The following ZNFX1 variants were observed in gnomAD, a reference collection of about 807,000 sequenced individuals.
The protein encoded by ZNFX1 is zinc finger NFX1-type containing 1, also known as NFX1-type zinc finger-containing protein 1.
ZNFX1 carries 78 observed loss-of-function variants against 179.8 expected under a neutral mutation model. That is an observed-to-expected ratio of 0.43 (90% CI 0.36 to 0.52). ZNFX1 has a LOEUF of 0.52. ZNFX1 is among the 20% of genes least tolerant of loss of function. The pLI, the probability that ZNFX1 is intolerant of heterozygous loss-of-function variation, is 0.00. For synonymous variants in ZNFX1, 848 were observed against 868.5 expected (o/e 0.98, Z 0.42); for missense variants, 1,927 against 2,386.6 (o/e 0.81, Z 4.01).
At chr20:49,273,647 T>C (rs1354969163) in intron 2 of ZNFX1, among the ~76,000 whole-genome samples, 2 of 152,154 alleles carry the variant, frequency 1.3e-5, no homozygotes, top group Non-Finnish European at 2.9e-5. Flanking sequence ...TCAACATTCA[T>C]GGCCAGGTGT....
Position 49,270,696 on chromosome 20 carries a change from G to A in ZNFX1, c.1116C>T (p.His372=), listed in dbSNP as rs1331267928. 1 of 1,614,194 alleles carries A rather than the reference G, an allele frequency of 6.2e-7. No individual in the cohort carries two copies. Among genetic ancestry groups the A allele is most frequent in the South Asian group, 1.1e-5 (1 of 91,086 alleles). Residue 372 remains histidine (H), a synonymous_variant, in exon 3 of 14, where the codon CAC becomes CAT. Transcript: ENST00000396105. This position sits in a 1 kb window ranked among gnomAD's most constrained non-coding sequence, Gnocchi z 4.6. ...CGAAATCTTCTCGCAGGAGCCGGAAGTGGGTATCCAGATAGATAGCAGTGC... is the reference window on the plus strand; with the variant it reads ...CGAAATCTTCTCGCAGGAGCCGGAAATGGGTATCCAGATAGATAGCAGTGC... ...YDSTAIYLDT[H]FRLLREDFVR... is the part of the protein sequence containing the mutation.
rs1981339888 is a variant in ZNFX1, at chr20:49,269,986, G to A, written c.1826C>T (p.Ala609Val). The change falls in exon 3 of 14, where the codon GCT becomes GTT. Residue 609 changes from alanine (A) to valine (V), a missense_variant. Physicochemically the swap from Ala to Val is moderately conservative, Grantham distance 64. Coordinates refer to ENST00000396105, the MANE Select transcript of ZNFX1 (RefSeq NM_021035.3). ...AATAATAGCCAGTTCCCTTGTGAGA[G>A]CAAACTGCAAGGCTTCCATCTGGGA... ...DDSQMEALQFALTRELAIIQG... is the reference protein window; with the variant it reads ...DDSQMEALQFVLTRELAIIQG... 6.2e-7 allele frequency: 1 copy of A among 1,613,074 alleles called. No individual in the cohort carries two copies. Among genetic ancestry groups the A allele is most frequent in the Non-Finnish European group, 8.5e-7 (1 of 1,179,830 alleles).
Position 49,261,648 on chromosome 20 carries a change from G to GT in ZNFX1, c.2302-1072dup, listed in dbSNP as rs146430460. On this transcript the variant is annotated intron_variant, in intron 6 of 13. Coordinates refer to ENST00000396105, the MANE Select transcript of ZNFX1 (RefSeq NM_021035.3). ...TGTACAACAAACCGCCATGACACAA[G>GT]TTTTTTTTTTTTTTTTTGAGACAGT... is the stretch of plus-strand genomic sequence containing the variant. Among the ~76,000 whole-genome samples, 435 of 136,152 alleles carry GT rather than the reference G, an allele frequency of 3.2e-3. 3 individuals carry two copies. The highest frequency in any genetic ancestry group is 9.7e-3 in the African/African-American group (358 of 36,876). The allele number at this position is 136,152 out of a possible 152,430, so 89.3% of individuals were successfully genotyped here. A position where few individuals can be genotyped will look rare whatever the true frequency, so the allele number is the denominator to read the frequency against.
rs369841021 is a variant in ZNFX1, at chr20:49,264,455, G to C, written c.2151+261C>G. The stretch of plus-strand genomic sequence containing the variant: ...TTCCCTGGTCAGTTGGCTGTACACA[G>C]AGGTGCTGTGGGTGGTATGGGGGAA... On this transcript the variant is annotated intron_variant, in intron 5 of 13. Transcript: ENST00000396105. Among the ~76,000 whole-genome samples, 299 of 152,302 alleles carry C rather than the reference G, an allele frequency of 2.0e-3. 2 individuals are homozygous for C. The highest frequency in any genetic ancestry group is 0.015 in the South Asian group (72 of 4,830).
intron 1 of ZNFX1, 46 bp downstream of exon 1, chr20:49,277,975 G>A (rs1981634055): frequency 6.5e-6 from 1 of 154,662 alleles, no homozygotes; most frequent in South Asian, 1.9e-4. Context: ...GGTTCGCGGC[G>A]AGGCAAGGAA....
At chr20:49,276,104 T>C (rs1057243240) in intron 1 of ZNFX1, among the ~76,000 whole-genome samples, 1 of 152,248 alleles carries the variant, frequency 6.6e-6, no homozygotes. Context: ...TTTCAAGAGA[T>C]AGAATTCCCC....
intron 13 of ZNFX1, among the ~76,000 whole-genome samples, chr20:49,250,911 A>C (rs1404205947): frequency 6.6e-6 from 1 of 152,118 alleles, no homozygotes; most frequent in Non-Finnish European, 1.5e-5. Context: ...GGATTTCACC[A>C]TGTTGGCCAG....
chr20:49,249,034 C>T lies in ZNFX1; in HGVS notation c.3990G>A (p.Gly1330=), dbSNP rs1311984921. 2.5e-6 allele frequency: 4 copies of T among 1,614,128 alleles called. No individual in the cohort carries two copies. Among genetic ancestry groups the T allele is most frequent in the Admixed American group, 1.7e-5 (1 of 60,012 alleles). The change falls in exon 14 of 14, where the codon GGG becomes GGA. Residue 1330 remains glycine, a synonymous_variant. Transcript: ENST00000396105. ...KPCQKVICQE[G]HRCPLVCFQE... The stretch of plus-strand genomic sequence containing the variant: ...GGAAGCAAACAAGGGGACACCGGTG[C>T]CCTTCCTGACAGATGACCTTCTGGC...
At chr20:49,257,840 T>C (rs955986256) in intron 7 of ZNFX1, among the ~76,000 whole-genome samples, 176 bp from the exon 8 acceptor site, 2 of 151,878 alleles carry the variant, frequency 1.3e-5, no homozygotes, top group Non-Finnish European at 2.9e-5. Context: ...TAGCTGGGAT[T>C]ACATGCACCC....
chr20:49,264,136 C>T (rs1311004450), intron 5 of ZNFX1, among the ~76,000 whole-genome samples: 4 of 152,130 alleles, frequency 2.6e-5, no homozygotes, highest in East Asian at 1.9e-4. Context: ...GCAAGAGAAT[C>T]GCTTGAACCT....
chr20:49,247,399 C>T lies in ZNFX1; in HGVS notation c.5625G>A (p.Val1875=). ...CCAGAGTATGATTTGTGCCACCAAT[C>T]ACTTCCTTACAGTCAGGACACGTGC... The part of the protein sequence containing the change: ...ERGTCPDCKE[V]IGGTNHTLER... Residue 1875 remains valine, a synonymous_variant, in exon 14 of 14, where the codon GTG becomes GTA. Coordinates refer to ENST00000396105, the MANE Select transcript of ZNFX1 (RefSeq NM_021035.3). 6.2e-7 allele frequency: 1 copy of T among 1,614,200 alleles called. No homozygotes were observed. The highest frequency in any genetic ancestry group is 8.5e-7 in the Non-Finnish European group (1 of 1,180,038).
chr20:49,255,303 G>A (rs1600987687), intron 9 of ZNFX1, among the ~76,000 whole-genome samples: 1 of 151,686 alleles, frequency 6.6e-6, no homozygotes, highest in East Asian at 1.9e-4. Context: ...TCGGCCTCCC[G>A]AAGTGCTAGC....
chr20:49,249,813 A>G, intron 13 of ZNFX1, 102 bp from the exon 14 acceptor site: 1 of 1,311,698 alleles, frequency 7.6e-7, no homozygotes, highest in Non-Finnish European at 1.0e-6. Context: ...CTCCAGAGAG[A>G]GACCTTGGAA....
intron 2 of ZNFX1, 112 bp from the exon 3 acceptor site, chr20:49,271,862 T>C (rs1277584103): frequency 1.0e-5 from 13 of 1,292,098 alleles, no homozygotes; most frequent in Non-Finnish European, 1.4e-5. Context: ...GCTCAGGTTT[T>C]ATACGGTAAG....
intron 2 of ZNFX1, among the ~76,000 whole-genome samples, chr20:49,274,639 A>C (rs1468484266): frequency 6.6e-6 from 1 of 152,112 alleles, no homozygotes; most frequent in African/African-American, 2.4e-5. Context: ...GGCACCTGTA[A>C]TCCCAGCTAC....
intron 2 of ZNFX1, 47 bp downstream of exon 2, chr20:49,275,732 T>C: frequency 6.3e-7 from 1 of 1,581,198 alleles, no homozygotes; most frequent in Admixed American, 1.7e-5. Context: ...TATTTCCTTC[T>C]TTTATTACTA....
chr20:49,253,861 C>A, intron 10 of ZNFX1, 50 bp from the exon 11 acceptor site: 2 of 1,603,746 alleles, frequency 1.2e-6, no homozygotes, highest in East Asian at 2.2e-5. Context: ...GGCACAGGAC[C>A]CACAGGGCCA....
At chr20:49,274,071 G>A (rs369259789) in intron 2 of ZNFX1, among the ~76,000 whole-genome samples, 1 of 152,246 alleles carries the variant, frequency 6.6e-6, no homozygotes, top group Admixed American at 6.5e-5. Flanking sequence ...TTTAGAAAGT[G>A]CTGAGCAAGC....
At position 49,254,522 on chromosome 20, in the gene ZNFX1, C is replaced by T. The variant is rs1259367064; in HGVS notation, c.2932G>A (p.Ala978Thr). ...GTGGTTGTCATTCCTACAACCTGGG[C>T]ATCTTTAAGAATGTGCAGGTCTTCC... is the stretch of plus-strand genomic sequence containing the variant. Reference protein sequence around the residue: ...LQEDLHILKDAQVVGMTTTGA... With the variant: ...LQEDLHILKDTQVVGMTTTGA... The change falls in exon 10 of 14, where the codon GCC becomes ACC. Residue 978 changes from alanine to threonine, a missense_variant. Physicochemically the swap from Ala to Thr is moderately conservative, Grantham distance 58. Transcript: ENST00000396105. 6.2e-7 allele frequency: 1 copy of T among 1,614,030 alleles called. No individual in the cohort carries two copies. Among genetic ancestry groups the T allele is most frequent in the Non-Finnish European group, 8.5e-7 (1 of 1,180,010 alleles).
Sources: gnomAD v4.1 joint callset for allele counts (sites outside exome capture counted in the v4.1 genomes callset) on GRCh38, gnomAD v4.1.1 for gene constraint, Gnocchi (gnomAD v3.1) non-coding constraint, MANE v1.5 for transcripts, NCBI Gene and HGNC (gene_info 2026-07-23, HGNC 2026-07-21) for gene names.